STUM: variants seen among roughly 807,000 people sequenced by gnomAD.
STUM encodes the protein protein stum homolog.
A neutral mutation model predicts 15.3 loss-of-function variants in STUM; 8 were observed. That is an observed-to-expected ratio of 0.52 (90% CI 0.31 to 0.94). The LOEUF is 0.94. STUM is among the 40% of genes least tolerant of loss of function. The pLI, the probability that STUM is intolerant of heterozygous loss-of-function variation, is 0.05. For missense variants in STUM, 142 were observed against 204.9 expected, an observed-to-expected ratio of 0.69 and a Z score of 1.87; for synonymous variants, 78 against 88.7, an observed-to-expected ratio of 0.88 and a Z score of 0.68.
intron 1 of STUM, among the ~76,000 whole-genome samples, chr1:226,563,510 C>A (rs545824626): frequency 6.6e-6 from 1 of 152,356 alleles, no homozygotes; most frequent in Admixed American, 6.5e-5. Context: ...AAGTGAGTTC[C>A]AGGAGGCCGG....
rs112712508 is a variant in STUM, at chr1:226,586,940, G to A, written c.203-9862G>A. On this transcript the variant is annotated intron_variant, in intron 1 of 3. Coordinates refer to ENST00000366788, the MANE Select transcript of STUM (RefSeq NM_001003665.4). ...AACCACCCTTCCCCGTCCCATCCCC[G>A]TCTCCTCAGTTCACCCTCTAGCACT... is the stretch of plus-strand genomic sequence containing the variant. Among the ~76,000 whole-genome samples the A allele has an allele frequency of 1.0e-3, 158 of 152,154 alleles. 1 individual carries two copies. Among genetic ancestry groups the A allele is most frequent in the Non-Finnish European group, 9.9e-4 (67 of 68,000 alleles).
chr1:226,562,625 A>T (rs982536084), intron 1 of STUM, among the ~76,000 whole-genome samples: 3 of 152,228 alleles, frequency 2.0e-5, no homozygotes. Context: ...AGGGGTTCAT[A>T]AACTGGATCT....
At chr1:226,592,284 G>A (rs1668102984) in intron 1 of STUM, among the ~76,000 whole-genome samples, 1 of 152,190 alleles carries the variant, frequency 6.6e-6, no homozygotes, top group Non-Finnish European at 1.5e-5. Flanking sequence ...CTGACCTCAG[G>A]TGATCCACCT....
At chr1:226,575,711 T>C (rs1043745525) in intron 1 of STUM, among the ~76,000 whole-genome samples, 11 of 152,226 alleles carry the variant, frequency 7.2e-5, no homozygotes, top group African/African-American at 2.4e-4. Context: ...CACCATGTCA[T>C]ATCTGGTCAC....
At position 226,595,040 on chromosome 1, in the gene STUM, A is replaced by C. The variant is rs889630036; in HGVS notation, c.203-1762A>C. Among the ~76,000 whole-genome samples the C allele has an allele frequency of 2.6e-5, 4 of 152,332 alleles. No individual in the cohort carries two copies. The East Asian group carries it at 5.8e-4, about 22-fold the overall frequency. On this transcript the variant is annotated intron_variant, in intron 1 of 3. Coordinates refer to ENST00000366788, the MANE Select transcript of STUM (RefSeq NM_001003665.4). ...ACGATAGGTTGACTGCGAGCTGCAG[A>C]GCTGGAGAAGCTAGTAGCTGGCTCG...
Position 226,600,544 on chromosome 1 carries a change from T to A in STUM, c.383-122T>A. On this transcript the variant is annotated intron_variant, in intron 2 of 3. Transcript: ENST00000366788. This position sits in a 1 kb window ranked among gnomAD's most constrained non-coding sequence, Gnocchi z 5.2. ...TGGCCCCTGTCCCATCTCCCAGGCCTCACCATGGATCTGCTTTGTTTCCTG... is the reference window on the plus strand; with the variant it reads ...TGGCCCCTGTCCCATCTCCCAGGCCACACCATGGATCTGCTTTGTTTCCTG... 3.2e-6 allele frequency: 4 copies of A among 1,231,182 alleles called. No individual in the cohort carries two copies. Among genetic ancestry groups the A allele is most frequent in the Non-Finnish European group, 4.7e-6 (4 of 848,008 alleles). The allele number at this position is 1,231,182 out of a possible 1,614,324, so 76.3% of individuals were successfully genotyped here.
intron 1 of STUM, among the ~76,000 whole-genome samples, chr1:226,569,034 A>C: frequency 6.6e-6 from 1 of 150,548 alleles, no homozygotes. Flanking sequence ...ATGCTTCCCC[A>C]AGTTTTGGTG....
chr1:226,548,815 C>T lies in STUM; in HGVS notation c.-90C>T, dbSNP rs1667315273. 2.7e-6 allele frequency: 3 copies of T among 1,096,372 alleles called. No homozygotes were observed. The highest frequency in any genetic ancestry group is 4.0e-5 in the South Asian group (1 of 24,748). The allele number at this position is 1,096,372 out of a possible 1,614,324, so 67.9% of individuals were successfully genotyped here. The stretch of plus-strand genomic sequence containing the variant: ...GCGGCCGCCTGAGCTCGGCGCGGAG[C>T]CCGGAGCCCGCAGCCGACAGTCTCC... On this transcript the variant is annotated 5_prime_UTR_variant, in exon 1 of 4. Transcript: ENST00000366788.
intron 1 of STUM, among the ~76,000 whole-genome samples, chr1:226,578,094 G>A (rs527315864): frequency 6.6e-6 from 1 of 152,248 alleles, no homozygotes; most frequent in African/African-American, 2.4e-5. Flanking sequence ...TTGGACCTTG[G>A]TGGAGGATGA....
At chr1:226,562,153 T>C (rs1667551125) in intron 1 of STUM, among the ~76,000 whole-genome samples, 1 of 152,144 alleles carries the variant, frequency 6.6e-6, no homozygotes, top group Admixed American at 6.5e-5. Context: ...AATTATTCAG[T>C]GGGTGAATTT....
At chr1:226,598,296 G>A (rs925413245) in intron 2 of STUM, among the ~76,000 whole-genome samples, 2 of 152,194 alleles carry the variant, frequency 1.3e-5, no homozygotes, top group African/African-American at 4.8e-5. Flanking sequence ...GAAGCTGGGA[G>A]GTGCTTCTGC....
chr1:226,595,687 A>C (rs1201453273), intron 1 of STUM, among the ~76,000 whole-genome samples: 2 of 152,200 alleles, frequency 1.3e-5, no homozygotes, highest in East Asian at 3.8e-4. Context: ...GGTCCTTACT[A>C]CAGGGAGGCA....
intron 1 of STUM, among the ~76,000 whole-genome samples, chr1:226,584,691 A>G (rs1667971421): frequency 1.3e-5 from 2 of 152,166 alleles, no homozygotes; most frequent in South Asian, 4.1e-4. Context: ...GTTCCTGGAA[A>G]TCCAGGGGCT....
At chr1:226,598,829 T>A (rs760898393) in intron 2 of STUM, among the ~76,000 whole-genome samples, 17 of 152,226 alleles carry the variant, frequency 1.1e-4, no homozygotes, top group Non-Finnish European at 2.1e-4. Flanking sequence ...TGTCTTTGCA[T>A]CAAACTTTTG....
intron 1 of STUM, among the ~76,000 whole-genome samples, chr1:226,582,463 C>T (rs56290706): frequency 0.034 from 5,162 of 152,038 alleles, 92 homozygotes; most frequent in South Asian, 0.052. Context: ...GGTGTGGTGG[C>T]GGGCACCTGT....
chr1:226,599,895 T>C (rs1278664779), intron 2 of STUM, among the ~76,000 whole-genome samples: 1 of 152,210 alleles, frequency 6.6e-6, no homozygotes, highest in East Asian at 1.9e-4. Context: ...TACTAATTGA[T>C]CCAAGAGGTC....
At chr1:226,576,656 C>T (rs552372588) in intron 1 of STUM, among the ~76,000 whole-genome samples, 34 of 152,284 alleles carry the variant, frequency 2.2e-4, no homozygotes, top group African/African-American at 7.9e-4. Context: ...GCTGTGCAAC[C>T]ATCACCACCA....
In STUM at chr1:226,600,538, C is replaced by T; in HGVS notation, c.383-128C>T. 1 of 1,153,086 alleles carries T rather than the reference C, an allele frequency of 8.7e-7. No homozygotes were observed. The allele number at this position is 1,153,086 out of a possible 1,614,324, so 71.4% of individuals were successfully genotyped here. ...CTGGCATGGCCCCTGTCCCATCTCC[C>T]AGGCCTCACCATGGATCTGCTTTGT... On this transcript the variant is annotated intron_variant, in intron 2 of 3. Transcript: ENST00000366788. The surrounding 1 kb of genome is among the most constrained non-coding windows in gnomAD (Gnocchi z 5.2).
rs530162458 is a variant in STUM, at chr1:226,593,312, C to G, written c.203-3490C>G. Among the ~76,000 whole-genome samples the G allele has an allele frequency of 2.6e-4, 40 of 152,244 alleles. No homozygotes were observed. The South Asian group carries it at 7.5e-3, about 28-fold the overall frequency. The stretch of plus-strand genomic sequence containing the variant: ...GTTTCCTGCAGGTTGGGGGCAAACT[C>G]TTACCCATGCATTCAAAGCCTTCCA... On this transcript the variant is annotated intron_variant, in intron 1 of 3. Transcript: ENST00000366788.
Sources: allele counts gnomAD v4.1 joint callset (sites outside exome capture counted in the v4.1 genomes callset), GRCh38; gene constraint gnomAD v4.1.1; non-coding constraint Gnocchi (gnomAD v3.1); transcripts MANE v1.5; gene names NCBI Gene and HGNC (gene_info 2026-07-23, HGNC 2026-07-21).